The following SMYD1 variants were observed in gnomAD, a reference collection of about 807,000 sequenced individuals.
SMYD1 encodes the protein SET and MYND domain containing 1.
In SMYD1, 49 loss-of-function variants were observed where a neutral mutation model predicts 54.0. The observed-to-expected ratio is 0.91, with a 90% CI of 0.72 to 1.15. The LOEUF (loss-of-function observed/expected upper bound fraction) is 1.15, where lower values mean the gene tolerates loss of function less well. Ranked by LOEUF, SMYD1 falls within the 50% of genes most tolerant of loss-of-function variation. The pLI, the probability that SMYD1 is intolerant of heterozygous loss-of-function variation, is 0.00. For synonymous variants in SMYD1, 269 were observed against 234.2 expected, an observed-to-expected ratio of 1.15 and a Z score of -1.36; for missense variants, 653 against 639.6, an observed-to-expected ratio of 1.02 and a Z score of -0.23.
chr2:88,108,330 G>T, intron 8 of SMYD1, 41 bp from the exon 9 acceptor site: 1 of 1,501,102 alleles, frequency 6.7e-7, no homozygotes, highest in African/African-American at 1.4e-5. Context: ...AGATATAAGG[G>T]TGATTGGTAT....
chr2:88,085,119 G>A (rs1674293555), intron 2 of SMYD1, among the ~76,000 whole-genome samples: 1 of 151,774 alleles, frequency 6.6e-6, no homozygotes, highest in Non-Finnish European at 1.5e-5. Flanking sequence ...TTAAAATTAG[G>A]ATTTCTGACT....
At chr2:88,095,527 C>T (rs1341515314) in intron 5 of SMYD1, among the ~76,000 whole-genome samples, 2 of 152,166 alleles carry the variant, frequency 1.3e-5, no homozygotes, top group African/African-American at 4.8e-5. Flanking sequence ...GAGTCTTGCC[C>T]TTGCTTTTGC....
At chr2:88,086,574 C>A (rs1014101198) in intron 2 of SMYD1, among the ~76,000 whole-genome samples, 3 of 152,226 alleles carry the variant, frequency 2.0e-5, no homozygotes, top group Non-Finnish European at 4.4e-5. Flanking sequence ...CCGGCCAGGC[C>A]AGGCCCCTCC....
chr2:88,077,273 C>G (rs1236883473), intron 1 of SMYD1, among the ~76,000 whole-genome samples: 1 of 152,234 alleles, frequency 6.6e-6, no homozygotes, highest in African/African-American at 2.4e-5. Flanking sequence ...CAGAGTCCAG[C>G]AGGGCTGCAG....
chr2:88,088,137 C>A, intron 3 of SMYD1, 62 bp downstream of exon 3: 1 of 1,491,984 alleles, frequency 6.7e-7, no homozygotes, highest in Non-Finnish European at 9.0e-7. Flanking sequence ...TCCCTCCTCC[C>A]ACTTGGGGAG....
intron 5 of SMYD1, among the ~76,000 whole-genome samples, chr2:88,094,015 G>A (rs1018759664): frequency 9.9e-5 from 15 of 152,170 alleles, no homozygotes; most frequent in East Asian, 1.9e-4. Context: ...CTAGTATTCC[G>A]CTTACTGCTT....
rs762409208 is a variant in SMYD1 at position 88,084,421 on chromosome 2, T to C, written c.243T>C (p.Asp81=). The C allele has an allele frequency of 2.0e-5, 32 of 1,608,846 alleles. No homozygotes were observed. In the Admixed American group the frequency reaches 5.0e-4, roughly 25 times the overall value. ...ACTGCGACCGCACCTGCCAGAAGGA[T>C]GCTTGGCTGAACCACAAGAATGAAT... The part of the protein sequence containing the change: ...AHYCDRTCQK[D]AWLNHKNECS... Residue 81 remains aspartate (D), a synonymous_variant, in exon 2 of 10, where the codon GAT becomes GAC. Transcript: ENST00000419482.
intron 4 of SMYD1, 130 bp from the exon 5 acceptor site, chr2:88,093,387 T>TA: frequency 9.5e-7 from 1 of 1,049,314 alleles, no homozygotes. Context: ...TAGAAGGGGC[T>TA]AGGATAAAGG....
At chr2:88,080,114 A>C (rs570094058) in intron 1 of SMYD1, among the ~76,000 whole-genome samples, 12 of 152,312 alleles carry the variant, frequency 7.9e-5, no homozygotes, top group African/African-American at 2.9e-4. Flanking sequence ...CTTAAGCTTC[A>C]GAGTTGTTCC....
At chr2:88,083,006 C>T (rs1431570253) in intron 1 of SMYD1, 1 of 152,168 alleles carries the variant, frequency 6.6e-6, no homozygotes, top group African/African-American at 2.4e-5. Flanking sequence ...CAGGGATAGA[C>T]ACAAAGGATT....
intron 6 of SMYD1, among the ~76,000 whole-genome samples, chr2:88,102,641 A>G (rs907616946): frequency 2.0e-5 from 3 of 152,230 alleles, no homozygotes; most frequent in Non-Finnish European, 4.4e-5. Context: ...TAAATCAATG[A>G]CTTGGATGAA....
At chr2:88,084,218 A>G (rs1027494695) in intron 1 of SMYD1, 98 bp from the exon 2 acceptor site, 2 of 1,019,800 alleles carry the variant, frequency 2.0e-6, no homozygotes, top group Non-Finnish European at 2.7e-6. Context: ...AATAAGGACC[A>G]GCCAGCTGAA....
intron 1 of SMYD1, among the ~76,000 whole-genome samples, chr2:88,074,145 C>T (rs190714964): frequency 0.012 from 1,785 of 152,320 alleles, 9 homozygotes; most frequent in Non-Finnish European, 0.018. Context: ...GGATTACAGG[C>T]GTGAGCCCCT....
chr2:88,104,568 G>C (rs1327498204), intron 7 of SMYD1, among the ~76,000 whole-genome samples: 1 of 152,180 alleles, frequency 6.6e-6, no homozygotes, highest in Non-Finnish European at 1.5e-5. Flanking sequence ...GTGTGGCTCT[G>C]GACACTGCCT....
intron 7 of SMYD1, among the ~76,000 whole-genome samples, chr2:88,105,287 C>T (rs898178824): frequency 1.3e-5 from 2 of 151,898 alleles, no homozygotes; most frequent in Non-Finnish European, 2.9e-5. Context: ...TTTCTCATCT[C>T]GTAAAATGGG....
At chr2:88,075,198 G>A (rs956863346) in intron 1 of SMYD1, among the ~76,000 whole-genome samples, 17 of 152,208 alleles carry the variant, frequency 1.1e-4, no homozygotes, top group African/African-American at 3.6e-4. Context: ...ATGTCGACAT[G>A]TTACACAACC....
At chr2:88,105,211 G>C (rs757906226) in intron 7 of SMYD1, among the ~76,000 whole-genome samples, 9 of 152,164 alleles carry the variant, frequency 5.9e-5, no homozygotes, top group Non-Finnish European at 1.3e-4. Context: ...CTTGGTTTCA[G>C]TGCTTGATCC....
chr2:88,097,833 A>C (rs1573116618), intron 6 of SMYD1, among the ~76,000 whole-genome samples: 2 of 152,050 alleles, frequency 1.3e-5, no homozygotes, highest in Admixed American at 6.5e-5. Flanking sequence ...ATGCACACCC[A>C]TGTGCATGCA....
chr2:88,100,403 A>C (rs868423492), intron 6 of SMYD1, among the ~76,000 whole-genome samples: 127 of 152,320 alleles, frequency 8.3e-4, no homozygotes, highest in African/African-American at 2.9e-3. Flanking sequence ...CTCTTAATCT[A>C]TCCTACAAGC....
Sources: allele counts gnomAD v4.1 joint callset (sites outside exome capture counted in the v4.1 genomes callset), GRCh38; gene constraint gnomAD v4.1.1; transcripts MANE v1.5; gene names NCBI Gene and HGNC (gene_info 2026-07-23, HGNC 2026-07-21).